The following AKAP13 variants were observed in gnomAD, a reference collection of about 807,000 sequenced individuals.
AKAP13 encodes A-kinase anchoring protein 13, also known as A-kinase anchor protein 13.
A neutral mutation model predicts 264.5 loss-of-function variants in AKAP13; 80 were observed. That is an observed-to-expected ratio of 0.30 (90% CI 0.25 to 0.36). AKAP13 has a LOEUF of 0.36. AKAP13 is among the 10% of genes least tolerant of loss of function. The pLI is 1.00. For synonymous variants in AKAP13, 1,380 were observed against 1,250.2 expected (o/e 1.10, Z -2.19); for missense variants, 3,712 against 3,435.2 (o/e 1.08, Z -2.01).
chr15:85,415,646 T>A (rs2072206086), intron 1 of AKAP13: 1 of 1,393,634 alleles, frequency 7.2e-7, no homozygotes, highest in African/African-American at 1.4e-5. Flanking sequence ...AATTCCATCA[T>A]CACTTTGGAC....
At chr15:85,674,984 C>T (rs189549778) in intron 14 of AKAP13, among the ~76,000 whole-genome samples, 1 of 152,184 alleles carries the variant, frequency 6.6e-6, no homozygotes, top group Admixed American at 6.5e-5. Context: ...GACTGGAAAA[C>T]ATGCATGTTC....
chr15:85,400,281 A>T (rs531887966), intron 1 of AKAP13, among the ~76,000 whole-genome samples: 34 of 152,234 alleles, frequency 2.2e-4, no homozygotes, highest in Non-Finnish European at 3.4e-4. Context: ...GTGGTGATGC[A>T]TGCCTATAGT....
At position 85,660,427 on chromosome 15, in the gene AKAP13, G is replaced by A. The variant is rs149898301; in HGVS notation, c.4799+1837G>A. Reference sequence around the variant, plus strand: ...CTCCCTATTGTTTTTCACTCTCTTCGTGTTAAATCTCCTCACAGTCTTCCA... The same window carrying A: ...CTCCCTATTGTTTTTCACTCTCTTCATGTTAAATCTCCTCACAGTCTTCCA... On this transcript the variant is annotated intron_variant, in intron 12 of 36. Coordinates refer to ENST00000394518, the MANE Select transcript of AKAP13 (RefSeq NM_007200.5). 6.4e-3 allele frequency among the ~76,000 whole-genome samples: 931 copies of A among 144,730 alleles called. 9 individuals are homozygous for A. Among genetic ancestry groups the A allele is most frequent in the African/African-American group, 0.022 (870 of 39,094 alleles). The allele number at this position is 144,730 out of a possible 152,430, so 94.9% of individuals were successfully genotyped here. A position where few individuals can be genotyped will look rare whatever the true frequency, so the allele number is the denominator to read the frequency against.
At chr15:85,423,819 G>A (rs1344698870) in intron 1 of AKAP13, among the ~76,000 whole-genome samples, 1 of 152,232 alleles carries the variant, frequency 6.6e-6, no homozygotes, top group Non-Finnish European at 1.5e-5. Context: ...AGACTTGAAA[G>A]TCAAACTTAC....
chr15:85,382,714 T>G (rs1217712908), intron 1 of AKAP13, among the ~76,000 whole-genome samples: 5 of 152,218 alleles, frequency 3.3e-5, no homozygotes, highest in East Asian at 1.9e-4. Context: ...ATAAATGGAC[T>G]CCTCCTCTAG....
At chr15:85,500,435 G>C (rs561837890) in intron 2 of AKAP13, among the ~76,000 whole-genome samples, 2 of 152,188 alleles carry the variant, frequency 1.3e-5, no homozygotes, top group Admixed American at 1.3e-4. Context: ...CATTTTCATT[G>C]CTCTCTTTGG....
intron 29 of AKAP13, among the ~76,000 whole-genome samples, chr15:85,728,045 G>A (rs1301358832): frequency 1.3e-5 from 2 of 152,138 alleles, no homozygotes; most frequent in Non-Finnish European, 2.9e-5. Context: ...GACAGTCGAG[G>A]CCCACAGAGG....
Position 85,498,199 on chromosome 15 carries a change from GATATATATATATAT to G in AKAP13, c.33+12461_33+12474del, listed in dbSNP as rs59420326. On this transcript the variant is annotated intron_variant, in intron 2 of 36. Transcript: ENST00000394518. ...TGGTAGTAAGGATTAAATGAAGTGA[GATATATATATATAT>G]ATATATATATATATCACATTGAGCG... 2.2e-4 allele frequency among the ~76,000 whole-genome samples: 29 copies of G among 133,074 alleles called. 1 individual carries two copies. The highest frequency in any genetic ancestry group is 5.2e-4 in the African/African-American group (18 of 34,844). The allele number at this position is 133,074 out of a possible 152,430, so 87.3% of individuals were successfully genotyped here.
At chr15:85,531,978 T>C (rs549647561) in intron 3 of AKAP13, among the ~76,000 whole-genome samples, 42 of 152,306 alleles carry the variant, frequency 2.8e-4, no homozygotes, top group Non-Finnish European at 4.9e-4. Context: ...TAATAGACCA[T>C]GTCCTTTGGC....
chr15:85,394,321 G>C (rs1292030688), intron 1 of AKAP13, among the ~76,000 whole-genome samples: 1 of 152,120 alleles, frequency 6.6e-6, no homozygotes, highest in African/African-American at 2.4e-5. Context: ...GTAATACAGG[G>C]GAGTGGATTA....
intron 26 of AKAP13, among the ~76,000 whole-genome samples, chr15:85,725,819 A>T (rs1473078779): frequency 6.6e-6 from 1 of 152,152 alleles, no homozygotes; most frequent in Non-Finnish European, 1.5e-5. Flanking sequence ...TTGCATATGG[A>T]GCTGAGGAAA....
intron 1 of AKAP13, among the ~76,000 whole-genome samples, chr15:85,446,742 G>A (rs1304655670): frequency 1.5e-5 from 2 of 135,998 alleles, no homozygotes; most frequent in Non-Finnish European, 3.0e-5. Flanking sequence ...ACAGAGTCTC[G>A]CTGTGTTGTC....
Position 85,442,494 on chromosome 15 carries a change from T to TA in AKAP13, c.-11-43215dup, listed in dbSNP as rs1567059614. ...TATATATTATATAATATATATAATA[T>TA]ATATTATATTATATATAATATATAT... is the stretch of plus-strand genomic sequence containing the variant. On this transcript the variant is annotated intron_variant, in intron 1 of 36. Transcript: ENST00000394518. Among the ~76,000 whole-genome samples, 13 of 107,216 alleles carry TA rather than the reference T, an allele frequency of 1.2e-4. No individual in the cohort carries two copies. In the East Asian group the frequency reaches 3.0e-3, roughly 24 times the overall value. The allele number at this position is 107,216 out of a possible 152,430, so 70.3% of individuals were successfully genotyped here. A position where few individuals can be genotyped will look rare whatever the true frequency, so the allele number is the denominator to read the frequency against.
intron 8 of AKAP13, among the ~76,000 whole-genome samples, chr15:85,628,228 G>A (rs338497): frequency 0.12 from 18,958 of 152,122 alleles, 1,938 homozygotes; most frequent in East Asian, 0.36. Context: ...CTTATAAACC[G>A]TGGTAGCTAC....
intron 30 of AKAP13, among the ~76,000 whole-genome samples, chr15:85,733,903 G>A (rs12438797): frequency 0.37 from 41,377 of 111,278 alleles, 6,946 homozygotes; most frequent in East Asian, 0.61. Flanking sequence ...TTGAGACAGA[G>A]TTTTGCTCCT....
chr15:85,562,203 G>A (rs2078405722), intron 5 of AKAP13, among the ~76,000 whole-genome samples: 1 of 152,120 alleles, frequency 6.6e-6, no homozygotes, highest in South Asian at 2.1e-4. Context: ...ACAATAAAAG[G>A]AAGTGGTTAT....
chr15:85,640,755 A>G (rs1437184674), intron 9 of AKAP13, among the ~76,000 whole-genome samples: 1 of 152,160 alleles, frequency 6.6e-6, no homozygotes, highest in African/African-American at 2.4e-5. Flanking sequence ...AAAACCACCC[A>G]AGAGTGAGAC....
At chr15:85,519,067 T>C (rs2076712538) in intron 2 of AKAP13, among the ~76,000 whole-genome samples, 1 of 152,040 alleles carries the variant, frequency 6.6e-6, no homozygotes, top group South Asian at 2.1e-4. Context: ...GATATATTCT[T>C]AGAATACCAG....
chr15:85,709,656 G>A (rs1048801370), intron 18 of AKAP13, among the ~76,000 whole-genome samples: 2 of 118,244 alleles, frequency 1.7e-5, no homozygotes, highest in African/African-American at 6.1e-5. Context: ...ACCTAAAAGG[G>A]GGAATTTTAT....
Sources: allele counts gnomAD v4.1 joint callset (sites outside exome capture counted in the v4.1 genomes callset), GRCh38; gene constraint gnomAD v4.1.1; transcripts MANE v1.5; gene names NCBI Gene and HGNC (gene_info 2026-07-23, HGNC 2026-07-21).